The following PDLIM5 variants were observed in gnomAD, a reference collection of about 807,000 sequenced individuals.
PDLIM5 encodes the protein PDZ and LIM domain 5.
PDLIM5 carries 34 observed loss-of-function variants against 64.2 expected under a neutral mutation model. The observed-to-expected ratio is 0.53, with a 90% CI of 0.40 to 0.71. The LOEUF is 0.71. PDLIM5 is among the 30% of genes least tolerant of loss of function. PDLIM5 has a pLI of 0.00. For missense variants in PDLIM5, 683 were observed against 733.6 expected, an observed-to-expected ratio of 0.93 and a Z score of 0.80; for synonymous variants, 253 against 269.1, an observed-to-expected ratio of 0.94 and a Z score of 0.59.
chr4:94,530,528 T>G lies in PDLIM5; in HGVS notation c.248+6653T>G, dbSNP rs906650895. Among the ~76,000 whole-genome samples the G allele has an allele frequency of 1.8e-3, 165 of 91,488 alleles. 2 individuals carry two copies. The highest frequency in any genetic ancestry group is 5.4e-3 in the Middle Eastern group (1 of 184). 60.0% of individuals were successfully genotyped at this position (91,488 alleles called of 152,430 possible). On this transcript the variant is annotated intron_variant, in intron 3 of 12. Coordinates refer to ENST00000317968, the MANE Select transcript of PDLIM5 (RefSeq NM_006457.5). ...ATCACAGAATATATATATATATATA[T>G]ATATATATATATATATATAGTTTTT...
intron 2 of PDLIM5, among the ~76,000 whole-genome samples, chr4:94,476,672 C>T (rs904912564): frequency 5.3e-5 from 8 of 152,046 alleles, no homozygotes; most frequent in African/African-American, 1.7e-4. Flanking sequence ...TGGTTTCATA[C>T]TTAAATTTTT....
chr4:94,609,748 A>G (rs1432014443), intron 7 of PDLIM5, among the ~76,000 whole-genome samples: 1 of 152,150 alleles, frequency 6.6e-6, no homozygotes, highest in Non-Finnish European at 1.5e-5. Flanking sequence ...TCTAAGGTAA[A>G]GCTCATTGTA....
chr4:94,589,824 G>C (rs976178402), intron 7 of PDLIM5, among the ~76,000 whole-genome samples: 3 of 151,094 alleles, frequency 2.0e-5, no homozygotes, highest in African/African-American at 7.3e-5. Flanking sequence ...ACCCAGGCTG[G>C]AGTGCGATGG....
intron 3 of PDLIM5, among the ~76,000 whole-genome samples, chr4:94,527,144 C>T (rs111618056): frequency 3.6e-4 from 53 of 148,566 alleles, no homozygotes; most frequent in Non-Finnish European, 5.5e-4. Flanking sequence ...GCACCCTCCA[C>T]GTCCCAGGTT....
intron 2 of PDLIM5, among the ~76,000 whole-genome samples, chr4:94,500,067 G>A (rs1265168034): frequency 1.3e-5 from 2 of 152,138 alleles, no homozygotes; most frequent in African/African-American, 4.8e-5. Context: ...AGGGGGTCTT[G>A]GAACCAATCC....
chr4:94,579,111 A>G (rs1735530022), intron 5 of PDLIM5: 1 of 153,224 alleles, frequency 6.5e-6, no homozygotes, highest in South Asian at 2.1e-4. Flanking sequence ...TTTTAAATTA[A>G]TAGTCTGTAA....
intron 7 of PDLIM5, among the ~76,000 whole-genome samples, chr4:94,591,510 G>A (rs951114051): frequency 6.6e-6 from 1 of 152,186 alleles, no homozygotes; most frequent in Non-Finnish European, 1.5e-5. Flanking sequence ...CAGCCTTCAC[G>A]TGCCAGCCCC....
intron 2 of PDLIM5, chr4:94,455,992 A>T (rs960027975): frequency 1.1e-5 from 16 of 1,444,028 alleles, no homozygotes; most frequent in Admixed American, 2.6e-5. Context: ...TATTTTAAGG[A>T]TATGTTTTCA....
At chr4:94,531,388 A>G (rs1242485250) in intron 3 of PDLIM5, among the ~76,000 whole-genome samples, 1 of 152,130 alleles carries the variant, frequency 6.6e-6, no homozygotes, top group Non-Finnish European at 1.5e-5. Context: ...ATTGAGGAAG[A>G]AGTTAGCCTA....
intron 3 of PDLIM5, among the ~76,000 whole-genome samples, chr4:94,536,209 G>T (rs2110169695): frequency 6.6e-6 from 1 of 152,186 alleles, no homozygotes; most frequent in Non-Finnish European, 1.5e-5. Flanking sequence ...ACTGAGGAGA[G>T]ACAGCATGAG....
At chr4:94,596,814 A>G (rs1737103250) in intron 7 of PDLIM5, among the ~76,000 whole-genome samples, 1 of 152,140 alleles carries the variant, frequency 6.6e-6, no homozygotes, top group Non-Finnish European at 1.5e-5. Context: ...ATATTTAGAC[A>G]TCTTCACTTT....
At chr4:94,553,637 T>G (rs973882517) in intron 3 of PDLIM5, among the ~76,000 whole-genome samples, 7 of 152,216 alleles carry the variant, frequency 4.6e-5, no homozygotes, top group African/African-American at 1.7e-4. Flanking sequence ...TTGTGGTTAT[T>G]GTGGGCCCTA....
intron 5 of PDLIM5, among the ~76,000 whole-genome samples, chr4:94,583,376 C>T (rs1486532545): frequency 6.6e-6 from 1 of 152,048 alleles, no homozygotes; most frequent in East Asian, 1.9e-4. Flanking sequence ...TGTTTTTAGA[C>T]ACCAAACCTT....
At chr4:94,455,857 G>A in intron 2 of PDLIM5, 1 of 1,380,718 alleles carries the variant, frequency 7.2e-7, no homozygotes, top group Non-Finnish European at 9.9e-7. Flanking sequence ...CAGTAAGATG[G>A]CCAAAAGCTA....
At position 94,611,021 on chromosome 4, in the gene PDLIM5, A is replaced by G. The variant is rs1395482216; in HGVS notation, c.921-6983A>G. The G allele has an allele frequency of 7.1e-6, 10 of 1,408,542 alleles. No individual in the cohort carries two copies. The Admixed American group carries it at 7.9e-5, about 11-fold the overall frequency. 87.3% of individuals were successfully genotyped at this position (1,408,542 alleles called of 1,614,324 possible). ...CAGACCTTAAGAACTACTGTCTGCT[A>G]TTGGTAGTGTGATTTTTGACTTAAA... On this transcript the variant is annotated intron_variant, in intron 7 of 12. Coordinates refer to ENST00000317968, the MANE Select transcript of PDLIM5 (RefSeq NM_006457.5).
At chr4:94,567,197 G>A (rs1734415850) in intron 3 of PDLIM5, among the ~76,000 whole-genome samples, 1 of 152,098 alleles carries the variant, frequency 6.6e-6, no homozygotes, top group East Asian at 1.9e-4. Context: ...GTTTCACCGT[G>A]TTAGCCAGGA....
chr4:94,597,208 G>A (rs1737133436), intron 7 of PDLIM5, among the ~76,000 whole-genome samples: 1 of 152,148 alleles, frequency 6.6e-6, no homozygotes, highest in South Asian at 2.1e-4. Flanking sequence ...TCTTCAGGTA[G>A]CTGTGTATCA....
intron 7 of PDLIM5, among the ~76,000 whole-genome samples, chr4:94,595,507 G>A (rs1484720374): frequency 6.6e-6 from 1 of 152,230 alleles, no homozygotes; most frequent in Non-Finnish European, 1.5e-5. Context: ...TTTAGCACTG[G>A]AAGAATAGAG....
intron 2 of PDLIM5, among the ~76,000 whole-genome samples, chr4:94,464,571 C>G (rs1183263183): frequency 6.6e-6 from 1 of 152,154 alleles, no homozygotes; most frequent in African/African-American, 2.4e-5. Context: ...CTTTAGAAAA[C>G]AAATGTTTTG....
Sources: allele counts gnomAD v4.1 joint callset (sites outside exome capture counted in the v4.1 genomes callset), GRCh38; gene constraint gnomAD v4.1.1; transcripts MANE v1.5; gene names NCBI Gene and HGNC (gene_info 2026-07-23, HGNC 2026-07-21).